Variants in SIRT5 observed in about 807,000 individuals in gnomAD.
SIRT5 encodes the protein sirtuin 5.
In SIRT5, 26 loss-of-function variants were observed where a neutral mutation model predicts 40.0. That is an observed-to-expected ratio of 0.65 (90% confidence interval 0.48 to 0.90). SIRT5 has a LOEUF of 0.90. SIRT5 is among the 40% of genes least tolerant of loss of function. The probability of loss-of-function intolerance (pLI) is 0.00; values close to 1 mark genes in which losing one functional copy is unlikely to be tolerated. For synonymous variants in SIRT5, 146 were observed against 149.1 expected (o/e 0.98, Z 0.15); for missense variants, 401 against 402.4 (o/e 1.00, Z 0.03).
intron 8 of SIRT5, among the ~76,000 whole-genome samples, chr6:13,600,241 G>T (rs1013819259): frequency 2.0e-5 from 3 of 152,154 alleles, no homozygotes; most frequent in Admixed American, 2.0e-4. Flanking sequence ...TATTCATTCA[G>T]CCAGTATTTA....
chr6:13,584,164 C>T lies in SIRT5; in HGVS notation c.54C>T (p.Gly18=). 6.2e-7 allele frequency: 1 copy of T among 1,614,170 alleles called. No homozygotes were observed. Among genetic ancestry groups the T allele is most frequent in the Non-Finnish European group, 8.5e-7 (1 of 1,180,036 alleles). Residue 18 remains glycine, a synonymous_variant, in exon 3 of 10, where the codon GGC becomes GGT. Coordinates refer to ENST00000606117, the MANE Select transcript of SIRT5 (RefSeq NM_012241.5). Reference sequence around the variant, plus strand: ...GATTGATTTCCCAGCTATATTGTGGCCTGAAGCCTCCAGCGTCCACACGAA... The same window carrying T: ...GATTGATTTCCCAGCTATATTGTGGTCTGAAGCCTCCAGCGTCCACACGAA... ...PSRLISQLYC[G]LKPPASTRNQ... is the part of the protein sequence containing the mutation.
chr6:13,584,673 C>G (rs1759821885), intron 3 of SIRT5, among the ~76,000 whole-genome samples: 1 of 152,170 alleles, frequency 6.6e-6, no homozygotes, highest in East Asian at 1.9e-4. Flanking sequence ...TAGGTAATCC[C>G]TTCTAGGGCA....
chr6:13,577,655 A>G (rs1758797146), intron 1 of SIRT5, among the ~76,000 whole-genome samples: 1 of 148,434 alleles, frequency 6.7e-6, no homozygotes, highest in Non-Finnish European at 1.5e-5. Flanking sequence ...TATATTATAT[A>G]TATATTTATA....
In SIRT5 at chr6:13,580,609, C is replaced by T. The variant is rs141966623; in HGVS notation, c.-36+1000C>T. ...CTTCTCTGTCTCTCTTTCCCTCTCC[C>T]TCCCTCTGTTTCTTCCTCTCTTTTT... is the stretch of plus-strand genomic sequence containing the variant. On this transcript the variant is annotated intron_variant, in intron 2 of 9. Transcript: ENST00000606117. Among the ~76,000 whole-genome samples, 820 of 152,166 alleles carry T rather than the reference C, an allele frequency of 5.4e-3. 13 individuals carry two copies. Among genetic ancestry groups the T allele is most frequent in the African/African-American group, 0.019 (784 of 41,504 alleles).
intron 8 of SIRT5, among the ~76,000 whole-genome samples, chr6:13,600,502 T>C (rs1304642211): frequency 1.3e-5 from 2 of 152,242 alleles, no homozygotes; most frequent in African/African-American, 4.8e-5. Flanking sequence ...ATAGAAAATA[T>C]GTTTTAAAAA....
chr6:13,578,696 A>G (rs1471549196), intron 1 of SIRT5, among the ~76,000 whole-genome samples: 1 of 151,300 alleles, frequency 6.6e-6, no homozygotes, highest in Non-Finnish European at 1.5e-5. Flanking sequence ...TCATCAGTGA[A>G]GCCATCAGGT....
intron 9 of SIRT5, among the ~76,000 whole-genome samples, chr6:13,611,205 GTGTATATATATATA>G (rs1171495846): frequency 2.4e-4 from 26 of 107,034 alleles, no homozygotes; most frequent in South Asian, 1.2e-3. Context: ...ATGTGTGTGT[GTGTATATATATATA>G]TATATATATA....
intron 1 of SIRT5, among the ~76,000 whole-genome samples, chr6:13,575,763 CCTAA>C (rs1179625036): frequency 1.3e-5 from 2 of 152,150 alleles, no homozygotes; most frequent in Admixed American, 1.3e-4. Flanking sequence ...ACTCCTCTTA[CCTAA>C]CTAAAACTTT....
intron 3 of SIRT5, among the ~76,000 whole-genome samples, chr6:13,587,440 C>T (rs953547976): frequency 6.6e-6 from 1 of 152,204 alleles, no homozygotes; most frequent in Non-Finnish European, 1.5e-5. Context: ...CAGCTTCCCC[C>T]ATCATGAGTT....
intron 9 of SIRT5, 87 bp from the exon 10 acceptor site, chr6:13,611,703 A>G: frequency 1.0e-6 from 1 of 957,592 alleles, no homozygotes; most frequent in Non-Finnish European, 1.7e-6. Context: ...TTCGGCTATT[A>G]CTTCAGAAAT....
rs1759747717 is a variant in SIRT5, at chr6:13,584,140, A to G, written c.30A>G (p.Arg10=). MRPLQIVPS[R]LISQLYCGLK... is the part of the protein sequence containing the mutation. ...GACCTCTCCAGATTGTCCCAAGTCG[A>G]TTGATTTCCCAGCTATATTGTGGCC... is the stretch of plus-strand genomic sequence containing the variant. The change falls in exon 3 of 10, where the codon CGA becomes CGG. Residue 10 remains arginine, a synonymous_variant. Transcript: ENST00000606117. The G allele has an allele frequency of 1.9e-6, 3 of 1,614,050 alleles. No individual in the cohort carries two copies. The highest frequency in any genetic ancestry group is 1.7e-6 in the Non-Finnish European group (2 of 1,180,040).
chr6:13,603,804 C>T (rs561620106), intron 9 of SIRT5, among the ~76,000 whole-genome samples: 16 of 152,146 alleles, frequency 1.1e-4, no homozygotes, highest in African/African-American at 1.7e-4. Flanking sequence ...AAACGTCCAT[C>T]GACTGAAGGA....
rs991883153 is a variant in SIRT5 at position 13,599,272 on chromosome 6, C to T, written c.741+117C>T. On this transcript the variant is annotated intron_variant, in intron 8 of 9. Coordinates refer to ENST00000606117, the MANE Select transcript of SIRT5 (RefSeq NM_012241.5). ...TTCTTTCCTTCCCGCCTTCTCTCCT[C>T]CCTCCATTTCTTCCTTTCCTTCAAA... 2.8e-6 allele frequency: 3 copies of T among 1,066,250 alleles called. No homozygotes were observed. In the African/African-American group the frequency reaches 4.8e-5, roughly 17 times the overall value. 66.0% of individuals were successfully genotyped at this position (1,066,250 alleles called of 1,614,324 possible).
At chr6:13,592,096 C>T (rs1000211386) in intron 5 of SIRT5, among the ~76,000 whole-genome samples, 2 of 152,270 alleles carry the variant, frequency 1.3e-5, no homozygotes, top group Non-Finnish European at 2.9e-5. Context: ...GAGCCCCTGA[C>T]CCACTAACAT....
intron 6 of SIRT5, among the ~76,000 whole-genome samples, chr6:13,596,260 A>G (rs955464358): frequency 1.3e-5 from 2 of 152,168 alleles, no homozygotes; most frequent in African/African-American, 4.8e-5. Context: ...AACATGTACT[A>G]TTATTACAAT....
At chr6:13,600,744 C>A in intron 8 of SIRT5, 90 bp from the exon 9 acceptor site, 1 of 1,020,188 alleles carries the variant, frequency 9.8e-7, no homozygotes, top group Non-Finnish European at 1.4e-6. Context: ...CAACCACAGA[C>A]CTGCCTGAGT....
Position 13,591,658 on chromosome 6 carries a change from C to T in SIRT5, c.250-11C>T. 1 of 1,529,562 alleles carries T rather than the reference C, an allele frequency of 6.5e-7. No individual in the cohort carries two copies. Among genetic ancestry groups the T allele is most frequent in the South Asian group, 1.2e-5 (1 of 81,044 alleles). The allele number at this position is 1,529,562 out of a possible 1,614,324, so 94.7% of individuals were successfully genotyped here. ...TGCCTCCCTCACTCCTGCCTCCTCT[C>T]CCACTCCCAGGACCTGGCGACTCCC... On this transcript the variant is annotated splice_polypyrimidine_tract_variant and intron_variant, in intron 4 of 9. Transcript: ENST00000606117.
intron 9 of SIRT5, among the ~76,000 whole-genome samples, chr6:13,610,578 G>C (rs1311980194): frequency 6.6e-6 from 1 of 152,182 alleles, no homozygotes; most frequent in Non-Finnish European, 1.5e-5. Flanking sequence ...GGTCCAGCTT[G>C]CTTTTGTAAG....
At chr6:13,604,412 A>G in intron 9 of SIRT5, 1 of 1,012,812 alleles carries the variant, frequency 9.9e-7, no homozygotes, top group Non-Finnish European at 1.6e-6. Flanking sequence ...GACAGGATAA[A>G]CTTTGTGAAG....
Sources: gnomAD v4.1 joint callset for allele counts (sites outside exome capture counted in the v4.1 genomes callset) on GRCh38, gnomAD v4.1.1 for gene constraint, MANE v1.5 for transcripts, NCBI Gene and HGNC (gene_info 2026-07-23, HGNC 2026-07-21) for gene names.